Variants in CCDC38 observed in about 807,000 individuals in gnomAD.
The protein encoded by CCDC38 is coiled-coil domain containing 38.
Under a neutral mutation model 72.8 loss-of-function variants are expected in CCDC38, and 69 were observed. That is an observed-to-expected ratio of 0.95 (90% CI 0.78 to 1.16). CCDC38 has a LOEUF of 1.16. CCDC38 is among the 50% of genes most tolerant of loss of function. The pLI is 0.00. For synonymous variants in CCDC38, 201 were observed against 213.2 expected, an observed-to-expected ratio of 0.94 and a Z score of 0.50; for missense variants, 626 against 638.9, an observed-to-expected ratio of 0.98 and a Z score of 0.22.
intron 4 of CCDC38, among the ~76,000 whole-genome samples, chr12:95,914,766 C>A (rs1353423128): frequency 6.6e-6 from 1 of 151,976 alleles, no homozygotes; most frequent in African/African-American, 2.4e-5. Context: ...AATAGCCACC[C>A]CCGCTCCTCA....
chr12:95,891,013 G>A, intron 8 of CCDC38, 83 bp from the exon 9 acceptor site: 1 of 733,012 alleles, frequency 1.4e-6, no homozygotes, highest in African/African-American at 1.8e-5. Context: ...TTTGTCTCAG[G>A]GTGAAGATAG....
chr12:95,875,748 C>T (rs778961046), intron 13 of CCDC38, among the ~76,000 whole-genome samples: 4 of 152,230 alleles, frequency 2.6e-5, no homozygotes, highest in East Asian at 1.9e-4. Flanking sequence ...GTCCCATTTC[C>T]GCAGAGTGCA....
chr12:95,879,643 C>A lies in CCDC38; in HGVS notation c.1142+1G>T. 6.4e-7 allele frequency: 1 copy of A among 1,572,162 alleles called. No homozygotes were observed. Among genetic ancestry groups the A allele is most frequent in the Non-Finnish European group, 8.7e-7 (1 of 1,149,630 alleles). On this transcript the variant is annotated splice_donor_variant, in intron 12 of 15. Coordinates refer to ENST00000344280, the MANE Select transcript of CCDC38 (RefSeq NM_182496.3). LOFTEE classifies it high-confidence loss of function. The surrounding 1 kb of genome is among the most constrained non-coding windows in gnomAD (Gnocchi z 5.5). ...AAATCTACTTGTTTATAATGACTTA[C>A]GTTTTATCCTGTATAACTTTTTCTC...
intron 13 of CCDC38, among the ~76,000 whole-genome samples, chr12:95,874,016 A>T (rs1446800642): frequency 6.6e-6 from 1 of 152,262 alleles, no homozygotes; most frequent in African/African-American, 2.4e-5. Flanking sequence ...AAACAGCAAA[A>T]GTCCTATATT....
At chr12:95,899,021 C>T (rs2079923480) in intron 5 of CCDC38, among the ~76,000 whole-genome samples, 1 of 152,152 alleles carries the variant, frequency 6.6e-6, no homozygotes, top group Admixed American at 6.5e-5. Context: ...TCTGGTATTA[C>T]CTACAGTGTA....
intron 4 of CCDC38, among the ~76,000 whole-genome samples, chr12:95,914,817 T>C (rs2080128683): frequency 6.6e-6 from 1 of 152,042 alleles, no homozygotes; most frequent in South Asian, 2.1e-4. Flanking sequence ...TCCCAAGCCA[T>C]TCATTTGTTC....
intron 7 of CCDC38, among the ~76,000 whole-genome samples, chr12:95,895,754 G>GAAAAA (rs1206572260): frequency 5.4e-5 from 2 of 37,254 alleles, no homozygotes; most frequent in Non-Finnish European, 9.9e-5. Context: ...ACTCTGTCTC[G>GAAAAA]AAAAAAAAAA....
At position 95,874,722 on chromosome 12, in the gene CCDC38, A is replaced by AT. The variant is rs200044753; in HGVS notation, c.1279-2263dup. Among the ~76,000 whole-genome samples the AT allele has an allele frequency of 6.1e-3, 922 of 152,336 alleles. 6 individuals are homozygous for AT. The highest frequency in any genetic ancestry group is 0.021 in the African/African-American group (867 of 41,572). ...TGCCCAGGTGAATGGGACAGGAATT[A>AT]TGGAAGACTGATCAGAGAACTTCAG... On this transcript the variant is annotated intron_variant, in intron 13 of 15. Transcript: ENST00000344280.
At chr12:95,938,882 G>A (rs142022257) in intron 1 of CCDC38, among the ~76,000 whole-genome samples, 210 of 152,322 alleles carry the variant, frequency 1.4e-3, no homozygotes, top group East Asian at 7.7e-4. Context: ...ATGCCTGAAA[G>A]TTCACATCTT....
At position 95,898,728 on chromosome 12, in the gene CCDC38, C is replaced by A. The variant is rs1415888944; in HGVS notation, c.373G>T (p.Ala125Ser). Residue 125 changes from alanine to serine, a missense_variant, in exon 6 of 16, where the codon GCT becomes TCT. Ala to Ser is a moderately conservative substitution (Grantham distance 99). Coordinates refer to ENST00000344280, the MANE Select transcript of CCDC38 (RefSeq NM_182496.3). ...ATTGTGTTTCTTTTGGTTGACAAAG[C>A]ATACTAGGGGCATTGAAGACAGAGG... ...DQRDRFLLEYALSTKRNTIKK... is the reference protein window; with the variant it reads ...DQRDRFLLEYSLSTKRNTIKK... The A allele has an allele frequency of 1.9e-6, 3 of 1,613,264 alleles. No individual in the cohort carries two copies. The highest frequency in any genetic ancestry group is 2.2e-5 in the East Asian group (1 of 44,878).
intron 8 of CCDC38, among the ~76,000 whole-genome samples, chr12:95,891,345 A>T (rs1270874015): frequency 2.0e-5 from 3 of 151,922 alleles, no homozygotes; most frequent in Non-Finnish European, 4.4e-5. Context: ...GAAATTTTTT[A>T]TTTTATTTTA....
intron 13 of CCDC38, among the ~76,000 whole-genome samples, chr12:95,876,853 G>A (rs2079641489): frequency 6.6e-6 from 1 of 152,118 alleles, no homozygotes; most frequent in Non-Finnish European, 1.5e-5. Context: ...TGGCAGGCCA[G>A]GTCTCACTAA....
intron 15 of CCDC38, among the ~76,000 whole-genome samples, chr12:95,869,145 A>C (rs1163179551): frequency 2.6e-5 from 4 of 152,200 alleles, no homozygotes; most frequent in Non-Finnish European, 5.9e-5. Flanking sequence ...GACTGACTTT[A>C]TACTGAATAC....
At chr12:95,895,393 A>C (rs1032915514) in intron 7 of CCDC38, among the ~76,000 whole-genome samples, 1 of 135,740 alleles carries the variant, frequency 7.4e-6, no homozygotes, top group African/African-American at 3.0e-5. Context: ...TGATAGTTTT[A>C]CTCGACTTGT....
intron 13 of CCDC38, among the ~76,000 whole-genome samples, chr12:95,876,799 A>G (rs986281607): frequency 6.6e-6 from 1 of 152,040 alleles, no homozygotes; most frequent in Non-Finnish European, 1.5e-5. Flanking sequence ...TCCCAGTTCT[A>G]CTTCTGTTTG....
In CCDC38 at chr12:95,892,107, C is replaced by T. The variant is rs184976431; in HGVS notation, c.773-1177G>A. 4.9e-3 allele frequency among the ~76,000 whole-genome samples: 571 copies of T among 115,502 alleles called. 6 individuals are homozygous for T. Among genetic ancestry groups the T allele is most frequent in the African/African-American group, 0.017 (493 of 28,584 alleles). The allele number at this position is 115,502 out of a possible 152,430, so 75.8% of individuals were successfully genotyped here. A position where few individuals can be genotyped will look rare whatever the true frequency, so the allele number is the denominator to read the frequency against. On this transcript the variant is annotated intron_variant, in intron 8 of 15. Transcript: ENST00000344280. ...TTTTTTTTTTTTTTTTTTTTTGAGA[C>T]GGAGTCTCACTCTGCTTTACTGTTT...
chr12:95,925,470 A>G (rs1406275600), intron 2 of CCDC38, among the ~76,000 whole-genome samples: 1 of 152,184 alleles, frequency 6.6e-6, no homozygotes, highest in Non-Finnish European at 1.5e-5. Flanking sequence ...TAGATATACA[A>G]TCAAGTCATC....
intron 7 of CCDC38, chr12:95,896,722 T>C (rs576479689): frequency 1.3e-5 from 2 of 152,284 alleles, no homozygotes; most frequent in African/African-American, 4.8e-5. Flanking sequence ...GCCCTACCCG[T>C]AGAGGAGGCC....
chr12:95,916,822 A>G (rs2080149571), intron 4 of CCDC38, among the ~76,000 whole-genome samples: 1 of 152,198 alleles, frequency 6.6e-6, no homozygotes, highest in African/African-American at 2.4e-5. Flanking sequence ...TCTAGAACTG[A>G]GTATGAATGG....
Sources: allele counts gnomAD v4.1 joint callset (sites outside exome capture counted in the v4.1 genomes callset), GRCh38; gene constraint gnomAD v4.1.1; non-coding constraint Gnocchi (gnomAD v3.1); transcripts MANE v1.5; gene names NCBI Gene and HGNC (gene_info 2026-07-23, HGNC 2026-07-21).